Variants in PLXNC1 observed in about 807,000 individuals in gnomAD.
PLXNC1 encodes the protein plexin-C1.
PLXNC1 carries 75 observed loss-of-function variants against 178.2 expected under a neutral mutation model. The ratio of observed to expected loss-of-function variants is 0.42; its 90% CI spans 0.35 to 0.51. PLXNC1 has a LOEUF of 0.51. Ranked by LOEUF, PLXNC1 falls within the 20% of genes least tolerant of loss-of-function variation. PLXNC1 has a pLI of 0.02. For missense variants in PLXNC1, 1,503 were observed against 1,984.4 expected, an observed-to-expected ratio of 0.76 and a Z score of 4.61; for synonymous variants, 790 against 779.9, an observed-to-expected ratio of 1.01 and a Z score of -0.22.
chr12:94,152,101 C>A (rs938320969), intron 1 of PLXNC1, among the ~76,000 whole-genome samples: 2 of 152,208 alleles, frequency 1.3e-5, no homozygotes, highest in African/African-American at 2.4e-5. Context: ...GTCTGTACCC[C>A]CTGAGCTTGT....
intron 5 of PLXNC1, among the ~76,000 whole-genome samples, chr12:94,211,221 A>C (rs1963460028): frequency 6.6e-6 from 1 of 152,166 alleles, no homozygotes; most frequent in Non-Finnish European, 1.5e-5. Flanking sequence ...CCTAAGTCCC[A>C]CTGTGGTTTA....
rs890449985 is a variant in PLXNC1, at chr12:94,243,832, A to G, written c.2301-106A>G. Reference sequence around the variant, plus strand: ...AATTCATTAATTTGCTCTCAAACATAATTGGGTTTAATATTAAACATGAAT... The same window carrying G: ...AATTCATTAATTTGCTCTCAAACATGATTGGGTTTAATATTAAACATGAAT... On this transcript the variant is annotated intron_variant, in intron 11 of 30. Transcript: ENST00000258526. 6 of 514,040 alleles carry G rather than the reference A, an allele frequency of 1.2e-5. No homozygotes were observed. In the African/African-American group the frequency reaches 1.2e-4, roughly 10 times the overall value. 31.8% of individuals were successfully genotyped at this position (514,040 alleles called of 1,614,324 possible). A position where few individuals can be genotyped will look rare whatever the true frequency, so the allele number is the denominator to read the frequency against.
intron 26 of PLXNC1, among the ~76,000 whole-genome samples, chr12:94,298,303 CAA>C (rs1968130511): frequency 6.6e-6 from 1 of 152,284 alleles, no homozygotes; most frequent in Non-Finnish European, 1.5e-5. Flanking sequence ...TAATAAAAGC[CAA>C]ATATCCATGG....
chr12:94,278,816 T>C (rs971230979), intron 21 of PLXNC1, among the ~76,000 whole-genome samples: 3 of 152,030 alleles, frequency 2.0e-5, no homozygotes, highest in African/African-American at 7.2e-5. Context: ...GCCAACATGG[T>C]GAAACCCCGT....
At chr12:94,189,352 G>T (rs1447666093) in intron 4 of PLXNC1, among the ~76,000 whole-genome samples, 1 of 152,158 alleles carries the variant, frequency 6.6e-6, no homozygotes, top group Admixed American at 6.6e-5. Context: ...TGAAAAGGTG[G>T]CAGGGTCTGT....
rs192729811 is a variant in PLXNC1 at position 94,297,915 on chromosome 12, G to A, written c.4074+492G>A. ...GTGAAAGCCGGTGGAATACCAAACC[G>A]AGAGCAAATTTTACTTTATCTGGCT... On this transcript the variant is annotated intron_variant, in intron 26 of 30. Transcript: ENST00000258526. 2.9e-3 allele frequency among the ~76,000 whole-genome samples: 443 copies of A among 152,274 alleles called. 5 individuals are homozygous for A. Among genetic ancestry groups the A allele is most frequent in the Admixed American group, 0.014 (213 of 15,286 alleles).
At chr12:94,281,240 C>T (rs947576543) in intron 22 of PLXNC1, among the ~76,000 whole-genome samples, 5 of 152,152 alleles carry the variant, frequency 3.3e-5, no homozygotes, top group Admixed American at 1.3e-4. Flanking sequence ...GATTGCGCCA[C>T]TGTACTCCAG....
Position 94,282,346 on chromosome 12 carries a change from C to T in PLXNC1, c.3824C>T (p.Ser1275Phe), listed in dbSNP as rs1966503378. 1 of 1,613,896 alleles carries T rather than the reference C, an allele frequency of 6.2e-7. No homozygotes were observed. The highest frequency in any genetic ancestry group is 8.5e-7 in the Non-Finnish European group (1 of 1,179,888). Residue 1275 changes from serine to phenylalanine, a missense_variant, in exon 23 of 31, where the codon TCC becomes TTC. By Grantham distance (155) the Ser-to-Phe change is radical (BLOSUM62 -2). Transcript: ENST00000258526. ...RQKELLDIDSSSVILEDGITK... is the reference protein window; with the variant it reads ...RQKELLDIDSFSVILEDGITK... ...AAAGAACTTCTGGACATCGACAGTT[C>T]CTCCGTGATTCTTGAAGATGGAATC...
chr12:94,274,177 AAAAAAAAAAATTTAGCCAAGCATGGC>A (rs1358424474), intron 21 of PLXNC1, among the ~76,000 whole-genome samples: 1 of 150,132 alleles, frequency 6.7e-6, no homozygotes. Context: ...AAAAAAAAAA[AAAAAAAAAAATTTAGCCAAGCATGGC>A]AGTGTGCACC....
At chr12:94,162,000 A>G (rs1039678165) in intron 1 of PLXNC1, among the ~76,000 whole-genome samples, 2 of 152,222 alleles carry the variant, frequency 1.3e-5, no homozygotes, top group African/African-American at 4.8e-5. Flanking sequence ...CCAGATGCTG[A>G]GGTGGATGCT....
chr12:94,184,417 C>T lies in PLXNC1; in HGVS notation c.1339-1956C>T, dbSNP rs572087836. ...CTGGGATTATAGGCGTGAGCCACCTCGCCTGGCCCTCTCTCATTTTTTTTT... is the reference window on the plus strand; with the variant it reads ...CTGGGATTATAGGCGTGAGCCACCTTGCCTGGCCCTCTCTCATTTTTTTTT... On this transcript the variant is annotated intron_variant, in intron 3 of 30. Coordinates refer to ENST00000258526, the MANE Select transcript of PLXNC1 (RefSeq NM_005761.3). Among the ~76,000 whole-genome samples the T allele has an allele frequency of 5.9e-5, 9 of 151,856 alleles. No homozygotes were observed. The East Asian group carries it at 9.7e-4, about 16-fold the overall frequency.
intron 4 of PLXNC1, among the ~76,000 whole-genome samples, chr12:94,188,603 C>T (rs370253001): frequency 2.0e-5 from 3 of 152,130 alleles, no homozygotes; most frequent in Middle Eastern, 3.2e-3. Context: ...GGATTACAGC[C>T]GTGAGCCACC....
At chr12:94,229,810 A>C (rs1363488533) in intron 9 of PLXNC1, among the ~76,000 whole-genome samples, 1 of 152,202 alleles carries the variant, frequency 6.6e-6, no homozygotes, top group East Asian at 1.9e-4. Context: ...TTGTAAAGTA[A>C]ATTTTGAAAT....
In PLXNC1 at chr12:94,149,774, C is replaced by T. The variant is rs952395808; in HGVS notation, c.803C>T (p.Ala268Val). The change falls in exon 1 of 31, where the codon GCG becomes GTG. Residue 268 changes from alanine to valine, a missense_variant. Transcript: ENST00000258526. ...ATGWPSMARI[A>V]QSTEVLFQGQ... The stretch of plus-strand genomic sequence containing the variant: ...GGCTGGCCCAGCATGGCGCGCATCG[C>T]GCAGAGCACCGAGGTGCTGTTCCAG... 3 of 1,608,556 alleles carry T rather than the reference C, an allele frequency of 1.9e-6. No individual in the cohort carries two copies. The highest frequency in any genetic ancestry group is 2.5e-6 in the Non-Finnish European group (3 of 1,179,102).
intron 11 of PLXNC1, among the ~76,000 whole-genome samples, chr12:94,241,924 G>A (rs1049222632): frequency 2.7e-5 from 4 of 149,434 alleles, no homozygotes; most frequent in Admixed American, 6.7e-5. Flanking sequence ...GACACAGTAC[G>A]AAGCTAATTT....
Position 94,148,985 on chromosome 12 carries a change from G to A in PLXNC1, c.14G>A (p.Arg5Gln), listed in dbSNP as rs1183697004. 2 of 1,437,870 alleles carry A rather than the reference G, an allele frequency of 1.4e-6. No homozygotes were observed. Among genetic ancestry groups the A allele is most frequent in the Admixed American group, 5.2e-5 (2 of 38,216 alleles). 89.1% of individuals were successfully genotyped at this position (1,437,870 alleles called of 1,614,324 possible). A position where few individuals can be genotyped will look rare whatever the true frequency, so the allele number is the denominator to read the frequency against. MEVS[R>Q]RKAPPRPPRP... ...CCCCCCAGCCCCATGGAGGTCTCCC[G>A]GAGGAAGGCGCCGCCGCGCCCCCCG... Residue 5 changes from arginine to glutamine, a missense_variant, in exon 1 of 31, where the codon CGG becomes CAG. This residue lies in a region of PLXNC1 where 176 missense variants were observed against 180.7 expected (regional missense o/e 0.97). Transcript: ENST00000258526. The surrounding 1 kb of genome is among the most constrained non-coding windows in gnomAD (Gnocchi z 4.8).
chr12:94,229,028 ACAAGGGTTCCAGTTTCACCC>A (rs1323926982), intron 9 of PLXNC1, among the ~76,000 whole-genome samples: 1 of 152,220 alleles, frequency 6.6e-6, no homozygotes, highest in Non-Finnish European at 1.5e-5. Context: ...CCAACAGTGC[ACAAGGGTTCCAGTTTCACCC>A]CATCCTCACC....
rs776305210 is a variant in PLXNC1 at position 94,149,718 on chromosome 12, C to T, written c.747C>T (p.Tyr249=). 2.7e-5 allele frequency: 43 copies of T among 1,612,500 alleles called. No individual in the cohort carries two copies. In the East Asian group the frequency reaches 3.8e-4, roughly 14 times the overall value. The change falls in exon 1 of 31, where the codon TAC becomes TAT. Residue 249 remains tyrosine, a synonymous_variant. Coordinates refer to ENST00000258526, the MANE Select transcript of PLXNC1 (RefSeq NM_005761.3). ...ACGGCAGCATCTACTTCCCCTACTA[C>T]CCCTACAACTACACGAGCGGCGCTG... ...LWNGSIYFPY[Y]PYNYTSGAAT...
In PLXNC1 at chr12:94,258,210, CCTGT is replaced by C. The variant is rs987626600; in HGVS notation, c.3088-1124_3088-1121del. Among the ~76,000 whole-genome samples the C allele has an allele frequency of 4.6e-5, 7 of 152,338 alleles. No homozygotes were observed. The South Asian group carries it at 1.0e-3, about 23-fold the overall frequency. On this transcript the variant is annotated intron_variant, in intron 17 of 30. Coordinates refer to ENST00000258526, the MANE Select transcript of PLXNC1 (RefSeq NM_005761.3). ...TACGATTAAGAATCAACCTGTTTCT[CCTGT>C]CTATTTACATGAAGTTGGTTCAGCA...
Sources: gnomAD v4.1 joint callset for allele counts (sites outside exome capture counted in the v4.1 genomes callset) on GRCh38, gnomAD v4.1.1 for gene constraint, gnomAD v4.1.1 regional missense constraint, Gnocchi (gnomAD v3.1) non-coding constraint, MANE v1.5 for transcripts, NCBI Gene and HGNC (gene_info 2026-07-23, HGNC 2026-07-21) for gene names.